WASHC4: variants seen among roughly 807,000 people sequenced by gnomAD.
The protein encoded by WASHC4 is WASH complex subunit 4.
A neutral mutation model predicts 166.6 loss-of-function variants in WASHC4; 86 were observed. The observed-to-expected ratio is 0.52, with a 90% CI of 0.43 to 0.62. The LOEUF is 0.62. Ranked by LOEUF, WASHC4 falls within the 20% of genes least tolerant of loss-of-function variation. The pLI is 0.00. For synonymous variants in WASHC4, 446 were observed against 451.6 expected, an observed-to-expected ratio of 0.99 and a Z score of 0.16; for missense variants, 1,262 against 1,382.4, an observed-to-expected ratio of 0.91 and a Z score of 1.38.
chr12:105,118,166 T>TA (rs543509449), intron 6 of WASHC4, among the ~76,000 whole-genome samples: 42 of 152,304 alleles, frequency 2.8e-4, no homozygotes, highest in African/African-American at 7.9e-4. Context: ...AGACAGCACC[T>TA]ATCATTTAGG....
At chr12:105,158,760 C>T (rs915680458) in intron 28 of WASHC4, among the ~76,000 whole-genome samples, 1 of 152,142 alleles carries the variant, frequency 6.6e-6, no homozygotes, top group Admixed American at 6.5e-5. Context: ...AAAATGTTTT[C>T]ATTCTTAATA....
rs1204469968 is a variant in WASHC4, at chr12:105,107,824, G to A, written c.24G>A (p.Pro8=). 6.4e-7 allele frequency: 1 copy of A among 1,551,130 alleles called. No individual in the cohort carries two copies. The highest frequency in any genetic ancestry group is 8.7e-7 in the Non-Finnish European group (1 of 1,146,648). ...TGATGGCGGTGGAGACTCTGTCCCC[G>A]GACTGGGAGTTTGACCGCGTTGACG... The part of the protein sequence containing the change: MAVETLS[P]DWEFDRVDDG... Residue 8 remains proline, a synonymous_variant, in exon 1 of 33, where the codon CCG becomes CCA. Transcript: ENST00000332180.
intron 16 of WASHC4, 86 bp downstream of exon 16, chr12:105,140,487 C>T: frequency 1.0e-6 from 1 of 965,710 alleles, no homozygotes; most frequent in Non-Finnish European, 1.7e-6. Context: ...TCTGGTTTAA[C>T]CTGTTTATTC....
intron 4 of WASHC4, 125 bp downstream of exon 4, chr12:105,114,552 T>TTATTTATTTA (rs1879999026): frequency 1.4e-6 from 1 of 718,816 alleles, no homozygotes; most frequent in African/African-American, 1.8e-5. Context: ...TTTAACGTAA[T>TTATTTATTTA]ACTAATACGG....
At chr12:105,155,714 G>A (rs1478860896) in intron 26 of WASHC4, among the ~76,000 whole-genome samples, 3 of 106 alleles carry the variant, frequency 0.028, no homozygotes, top group South Asian at 0.25. Flanking sequence ...GGTGGCGGAC[G>A]CCATGTGATC....
chr12:105,141,112 G>A (rs907869608), intron 17 of WASHC4, 55 bp from the exon 18 acceptor site: 1 of 1,609,208 alleles, frequency 6.2e-7, no homozygotes, highest in Admixed American at 1.7e-5. Flanking sequence ...CCTTGTTACT[G>A]ACCCTAGAAA....
intron 2 of WASHC4, 62 bp downstream of exon 2, chr12:105,111,326 CATA>C: frequency 9.4e-7 from 1 of 1,069,270 alleles, no homozygotes; most frequent in Non-Finnish European, 1.3e-6. Context: ...ATCCTGAAAA[CATA>C]ATTTTTTAAA....
At chr12:105,147,835 G>A (rs1592902247) in intron 24 of WASHC4, 2 of 624,244 alleles carry the variant, frequency 3.2e-6, no homozygotes, top group Non-Finnish European at 4.0e-6. Flanking sequence ...AACCTGGGAG[G>A]CAGAGGTTGC....
intron 28 of WASHC4, 100 bp from the exon 29 acceptor site, chr12:105,159,901 C>T: frequency 1.8e-6 from 2 of 1,092,070 alleles, no homozygotes; most frequent in South Asian, 2.6e-5. Flanking sequence ...TACAGTGTTT[C>T]CTGCTTTTCA....
intron 15 of WASHC4, among the ~76,000 whole-genome samples, chr12:105,138,415 A>G (rs145707073): frequency 6.6e-6 from 1 of 151,784 alleles, no homozygotes; most frequent in East Asian, 1.9e-4. Flanking sequence ...TTACATGCGT[A>G]TGAGGTTAGT....
intron 10 of WASHC4, among the ~76,000 whole-genome samples, chr12:105,123,362 G>T (rs551560113): frequency 1.3e-5 from 2 of 152,114 alleles, no homozygotes; most frequent in South Asian, 4.1e-4. Flanking sequence ...GCCTCTTGCT[G>T]TGACTAGCTA....
rs1884182614 is a variant in WASHC4 at position 105,156,700 on chromosome 12, T to C, written c.2759-26T>C. On this transcript the variant is annotated intron_variant, in intron 26 of 32. Coordinates refer to ENST00000332180, the MANE Select transcript of WASHC4 (RefSeq NM_015275.3). ...GAATTTAGAGTTATTTATATAAATA[T>C]CTGATTTTTTTGTGTGGTTTTTAAG... The C allele has an allele frequency of 7.2e-6, 11 of 1,525,046 alleles. No individual in the cohort carries two copies. The East Asian group carries it at 1.1e-4, about 16-fold the overall frequency. 94.5% of individuals were successfully genotyped at this position (1,525,046 alleles called of 1,614,324 possible). A position where few individuals can be genotyped will look rare whatever the true frequency, so the allele number is the denominator to read the frequency against.
chr12:105,156,632 G>A, intron 26 of WASHC4, 94 bp from the exon 27 acceptor site: 1 of 1,071,924 alleles, frequency 9.3e-7, no homozygotes, highest in East Asian at 2.6e-5. Flanking sequence ...CTTAGGAGTG[G>A]AAACCTTGTA....
intron 12 of WASHC4, among the ~76,000 whole-genome samples, chr12:105,126,858 A>G (rs1881333840): frequency 6.6e-6 from 1 of 151,916 alleles, no homozygotes; most frequent in South Asian, 2.1e-4. Flanking sequence ...CTATTGTTGC[A>G]TTTTTTTATC....
intron 29 of WASHC4, among the ~76,000 whole-genome samples, chr12:105,161,320 T>G (rs914534784): frequency 3.3e-5 from 5 of 152,270 alleles, no homozygotes; most frequent in African/African-American, 1.2e-4. Flanking sequence ...TAATTGTATT[T>G]TAACTATGAT....
intron 18 of WASHC4, among the ~76,000 whole-genome samples, chr12:105,141,989 G>A (rs998003330): frequency 7.1e-6 from 1 of 140,768 alleles, no homozygotes; most frequent in Admixed American, 7.4e-5. Context: ...GTTAAGTGTG[G>A]GTTTTTTTTT....
chr12:105,130,223 G>T (rs1020488572), intron 13 of WASHC4, among the ~76,000 whole-genome samples: 10 of 152,218 alleles, frequency 6.6e-5, no homozygotes, highest in African/African-American at 1.9e-4. Context: ...AACTTTGCCA[G>T]GTCACACAGC....
chr12:105,152,198 A>G, intron 25 of WASHC4, 145 bp from the exon 26 acceptor site: 1 of 612,018 alleles, frequency 1.6e-6, no homozygotes, highest in Non-Finnish European at 3.0e-6. Flanking sequence ...GAACATTGGT[A>G]GTGTATGAAT....
chr12:105,138,369 AAAAAAC>A, intron 15 of WASHC4, among the ~76,000 whole-genome samples: 1 of 152,016 alleles, frequency 6.6e-6, no homozygotes, highest in African/African-American at 2.4e-5. Context: ...TTAAAAAAAA[AAAAAAC>A]AGCTTGTCTA....
Sources: gnomAD v4.1 joint callset for allele counts (sites outside exome capture counted in the v4.1 genomes callset) on GRCh38, gnomAD v4.1.1 for gene constraint, MANE v1.5 for transcripts, NCBI Gene and HGNC (gene_info 2026-07-23, HGNC 2026-07-21) for gene names.